The following CWC27 variants were observed in gnomAD, a reference collection of about 807,000 sequenced individuals.
The protein encoded by CWC27 is spliceosome-associated protein CWC27 homolog.
In CWC27, 47 loss-of-function variants were observed where a neutral mutation model predicts 63.6. The ratio of observed to expected loss-of-function variants is 0.74; its 90% CI spans 0.58 to 0.94. The LOEUF is 0.94. CWC27 is among the 40% of genes least tolerant of loss of function. The pLI, the probability that CWC27 is intolerant of heterozygous loss-of-function variation, is 0.00. For missense variants in CWC27, 495 were observed against 554.3 expected, an observed-to-expected ratio of 0.89 and a Z score of 1.07; for synonymous variants, 175 against 179.8, an observed-to-expected ratio of 0.97 and a Z score of 0.22.
At chr5:64,947,854 A>G (rs1748619664) in intron 11 of CWC27, among the ~76,000 whole-genome samples, 1 of 152,034 alleles carries the variant, frequency 6.6e-6, no homozygotes, top group Non-Finnish European at 1.5e-5. Context: ...ATAGATGTTC[A>G]TTTTGGGCAT....
chr5:64,845,222 AC>A (rs571308696), intron 10 of CWC27, among the ~76,000 whole-genome samples: 121 of 152,308 alleles, frequency 7.9e-4, no homozygotes, highest in African/African-American at 2.5e-3. Flanking sequence ...CCCAGGCTAA[AC>A]TAAATAGTGA....
intron 10 of CWC27, among the ~76,000 whole-genome samples, chr5:64,827,974 TTAG>T (rs1745409257): frequency 6.6e-6 from 1 of 152,170 alleles, no homozygotes; most frequent in Admixed American, 6.6e-5. Context: ...TGGTAGTCAC[TTAG>T]TAGTAGCCAT....
At chr5:64,859,660 T>C (rs1746350562) in intron 10 of CWC27, among the ~76,000 whole-genome samples, 1 of 152,130 alleles carries the variant, frequency 6.6e-6, no homozygotes, top group Non-Finnish European at 1.5e-5. Context: ...AGCATATTAC[T>C]AAAAACTAAA....
chr5:64,905,176 G>A (rs1477813313), intron 11 of CWC27, among the ~76,000 whole-genome samples: 1 of 141,570 alleles, frequency 7.1e-6, no homozygotes, highest in Non-Finnish European at 1.5e-5. Flanking sequence ...ACTCCAGCCT[G>A]GGCGACAGAG....
intron 10 of CWC27, among the ~76,000 whole-genome samples, chr5:64,819,826 A>G (rs1482093562): frequency 1.3e-5 from 2 of 152,242 alleles, no homozygotes; most frequent in African/African-American, 4.8e-5. Context: ...TTGCCTTTAG[A>G]AAGGAATTAC....
chr5:64,797,084 T>G (rs1179016403), intron 7 of CWC27, among the ~76,000 whole-genome samples: 1 of 151,892 alleles, frequency 6.6e-6, no homozygotes, highest in East Asian at 1.9e-4. Context: ...TGATTTTCAT[T>G]TTTACATTTG....
At chr5:65,006,012 C>A (rs1749835175) in intron 13 of CWC27, among the ~76,000 whole-genome samples, 1 of 152,058 alleles carries the variant, frequency 6.6e-6, no homozygotes, top group South Asian at 2.1e-4. Context: ...TGTCATCATT[C>A]TTTATATAGC....
intron 10 of CWC27, among the ~76,000 whole-genome samples, chr5:64,876,801 T>C (rs1454963507): frequency 1.3e-5 from 2 of 151,976 alleles, no homozygotes; most frequent in Admixed American, 1.3e-4. Flanking sequence ...AAAAAGCATC[T>C]GGGAAAAAAT....
At chr5:64,903,791 C>T (rs1463892859) in intron 11 of CWC27, among the ~76,000 whole-genome samples, 2 of 152,152 alleles carry the variant, frequency 1.3e-5, no homozygotes, top group African/African-American at 4.8e-5. Context: ...TCCTTTCTGA[C>T]GCCCCTCACA....
intron 13 of CWC27, among the ~76,000 whole-genome samples, chr5:65,008,606 C>T (rs1749891324): frequency 6.6e-6 from 1 of 152,144 alleles, no homozygotes; most frequent in Non-Finnish European, 1.5e-5. Flanking sequence ...TACATGGTCT[C>T]AATGTAGGAA....
chr5:64,977,321 T>C (rs1389764919), intron 13 of CWC27, 83 bp downstream of exon 13: 20 of 907,482 alleles, frequency 2.2e-5, no homozygotes, highest in Non-Finnish European at 3.3e-5. Context: ...CACTATATCA[T>C]CCTTTTGTTT....
intron 11 of CWC27, among the ~76,000 whole-genome samples, chr5:64,970,912 C>T (rs923577090): frequency 1.3e-5 from 2 of 150,724 alleles, no homozygotes; most frequent in African/African-American, 4.9e-5. Flanking sequence ...TTACATCTGG[C>T]TTATCGTTTG....
At chr5:64,845,522 A>G (rs1309565186) in intron 10 of CWC27, among the ~76,000 whole-genome samples, 1 of 152,216 alleles carries the variant, frequency 6.6e-6, no homozygotes, top group South Asian at 2.1e-4. Flanking sequence ...AACAAGTTTG[A>G]CAGAAATAGA....
intron 11 of CWC27, among the ~76,000 whole-genome samples, chr5:64,900,392 A>C (rs1472727175): frequency 6.6e-6 from 1 of 151,986 alleles, no homozygotes; most frequent in African/African-American, 2.4e-5. Context: ...CTTTTTATCC[A>C]TTTTTTATTG....
chr5:64,948,877 G>A (rs956332230), intron 11 of CWC27, among the ~76,000 whole-genome samples: 3 of 151,894 alleles, frequency 2.0e-5, no homozygotes, highest in Non-Finnish European at 4.4e-5. Context: ...GAATATTCAT[G>A]CTTCATCTCT....
chr5:64,841,588 C>T (rs1179720272), intron 10 of CWC27, among the ~76,000 whole-genome samples: 1 of 152,180 alleles, frequency 6.6e-6, no homozygotes, highest in East Asian at 1.9e-4. Context: ...CAAAACCTAT[C>T]AGATCTTCCA....
intron 11 of CWC27, among the ~76,000 whole-genome samples, chr5:64,917,230 C>A (rs1488259529): frequency 6.6e-6 from 1 of 152,100 alleles, no homozygotes; most frequent in Non-Finnish European, 1.5e-5. Flanking sequence ...GTGTTCTTAT[C>A]CAAGGTGCCA....
intron 11 of CWC27, among the ~76,000 whole-genome samples, chr5:64,959,680 A>T (rs1387735441): frequency 6.6e-6 from 1 of 152,224 alleles, no homozygotes; most frequent in Non-Finnish European, 1.5e-5. Context: ...ATCTATTGAA[A>T]AAGTATTTGT....
chr5:64,805,740 C>T (rs886555475), intron 10 of CWC27, among the ~76,000 whole-genome samples: 1 of 151,942 alleles, frequency 6.6e-6, no homozygotes, highest in Admixed American at 6.6e-5. Context: ...TATAATTTAG[C>T]AATGCTAAAT....
Sources: allele counts gnomAD v4.1 joint callset (sites outside exome capture counted in the v4.1 genomes callset), GRCh38; gene constraint gnomAD v4.1.1; transcripts MANE v1.5; gene names NCBI Gene and HGNC (gene_info 2026-07-23, HGNC 2026-07-21).